The following C16orf74 variants were observed in gnomAD, a reference collection of about 807,000 sequenced individuals.
The protein encoded by C16orf74 is calcimembrin.
C16orf74 carries 10 observed loss-of-function variants against 6.5 expected under a neutral mutation model. The ratio of observed to expected loss-of-function variants is 1.54; its 90% confidence interval spans 0.95 to 2.61. The LOEUF (loss-of-function observed/expected upper bound fraction) is 2.61. Among genes scored for constraint, C16orf74 ranks in the 30% most tolerant of loss-of-function variants. The pLI is 0.00. For synonymous variants in C16orf74, 60 were observed against 42.5 expected (o/e 1.41, Z -1.60); for missense variants, 141 against 105.9 (o/e 1.33, Z -1.45).
At chr16:85,709,888 C>T (rs1388245356) in intron 3 of C16orf74, among the ~76,000 whole-genome samples, 1 of 150,788 alleles carries the variant, frequency 6.6e-6, no homozygotes, top group Non-Finnish European at 1.5e-5. Flanking sequence ...GCCGGAGCCG[C>T]GGCGTGGCGG....
At chr16:85,715,829 C>T (rs1251874239) in intron 2 of C16orf74, among the ~76,000 whole-genome samples, 2 of 152,148 alleles carry the variant, frequency 1.3e-5, no homozygotes, top group Non-Finnish European at 2.9e-5. Flanking sequence ...GTGCCAAAAA[C>T]AAAAGCCACA....
chr16:85,740,436 C>G (rs1450436736), intron 1 of C16orf74, among the ~76,000 whole-genome samples: 1 of 151,502 alleles, frequency 6.6e-6, no homozygotes, highest in Non-Finnish European at 1.5e-5. Flanking sequence ...GGCGCGGTGG[C>G]TCACGCCTGT....
intron 1 of C16orf74, among the ~76,000 whole-genome samples, chr16:85,747,873 G>T (rs373458906): frequency 6.6e-6 from 1 of 151,952 alleles, no homozygotes; most frequent in East Asian, 1.9e-4. Context: ...GGATCACAAG[G>T]TCAGCAGTTC....
At chr16:85,736,878 T>C (rs756550124) in intron 1 of C16orf74, among the ~76,000 whole-genome samples, 6 of 152,068 alleles carry the variant, frequency 3.9e-5, no homozygotes, top group Admixed American at 6.6e-5. Context: ...ACCCCATCTC[T>C]ACTAAAAATA....
intron 1 of C16orf74, among the ~76,000 whole-genome samples, chr16:85,741,184 G>A (rs1008094876): frequency 6.6e-6 from 1 of 152,142 alleles, no homozygotes; most frequent in Non-Finnish European, 1.5e-5. Context: ...GGCAGCATGT[G>A]CGTCAGATCG....
chr16:85,723,762 G>C (rs2054106048), intron 2 of C16orf74, among the ~76,000 whole-genome samples: 1 of 152,240 alleles, frequency 6.6e-6, no homozygotes, highest in Non-Finnish European at 1.5e-5. Context: ...GTGCAGCTGT[G>C]GGAAAGGGTG....
At chr16:85,738,984 A>C (rs1379801767) in intron 1 of C16orf74, among the ~76,000 whole-genome samples, 1 of 73,872 alleles carries the variant, frequency 1.4e-5, no homozygotes, top group Non-Finnish European at 3.6e-5. Flanking sequence ...TTTGGACTCT[A>C]GAGCCCACGC....
At chr16:85,735,165 G>A in intron 2 of C16orf74, 25 bp downstream of exon 2, 3 of 1,595,942 alleles carry the variant, frequency 1.9e-6, no homozygotes, top group Non-Finnish European at 2.6e-6. Context: ...ATGAGAGCTG[G>A]TGGGGGCAGA....
intron 2 of C16orf74, among the ~76,000 whole-genome samples, chr16:85,726,485 G>A (rs971064759): frequency 5.9e-5 from 9 of 152,158 alleles, no homozygotes; most frequent in South Asian, 2.1e-4. Context: ...GGAACATGGC[G>A]GTGGCAATGG....
chr16:85,710,578 T>C, intron 2 of C16orf74: 1 of 419,036 alleles, frequency 2.4e-6, no homozygotes, highest in Non-Finnish European at 4.2e-6. Context: ...TGGGTCCAGT[T>C]GTCAGCCTTT....
intron 2 of C16orf74, among the ~76,000 whole-genome samples, chr16:85,734,743 C>T (rs2054225847): frequency 6.6e-6 from 1 of 152,202 alleles, no homozygotes; most frequent in Non-Finnish European, 1.5e-5. Flanking sequence ...CCCACAACAC[C>T]CTTCAGTGGT....
At chr16:85,718,427 TGG>T (rs1265966279) in intron 2 of C16orf74, among the ~76,000 whole-genome samples, 2 of 152,172 alleles carry the variant, frequency 1.3e-5, no homozygotes, top group Admixed American at 1.3e-4. Flanking sequence ...AGGCCCTGAA[TGG>T]GACCACGCCC....
chr16:85,715,049 C>T (rs76289562), intron 2 of C16orf74, among the ~76,000 whole-genome samples: 14 of 150,636 alleles, frequency 9.3e-5, no homozygotes, highest in African/African-American at 2.4e-4. Context: ...CCCAGCTACT[C>T]GGGAGGCTGA....
rs1321921669 is a variant in C16orf74 at position 85,745,013 on chromosome 16, C to T, written c.-19+5913G>A. ...AAAATTAGCCAGGCATTGTGGCGCA[C>T]GCCTGTAATCCCAGCTACTCGGGAG... On this transcript the variant is annotated intron_variant, in intron 1 of 3. Transcript: ENST00000284245. Among the ~76,000 whole-genome samples the T allele has an allele frequency of 6.0e-5, 9 of 151,212 alleles. No homozygotes were observed. The South Asian group carries it at 8.4e-4, about 14-fold the overall frequency.
intron 1 of C16orf74, among the ~76,000 whole-genome samples, chr16:85,746,699 T>G (rs898861465): frequency 6.6e-6 from 1 of 152,068 alleles, no homozygotes; most frequent in Non-Finnish European, 1.5e-5. Flanking sequence ...CCAATCCCAG[T>G]GGGGCAGGGT....
chr16:85,716,976 G>C (rs564867565), intron 2 of C16orf74, among the ~76,000 whole-genome samples: 28 of 152,334 alleles, frequency 1.8e-4, no homozygotes, highest in Non-Finnish European at 3.1e-4. Context: ...CCAGAAGGAA[G>C]GGAGCAGATC....
chr16:85,744,225 CAAAAAAAA>C (rs368696989), intron 1 of C16orf74: 1 of 43,014 alleles, frequency 2.3e-5, no homozygotes, highest in African/African-American at 1.0e-4. Flanking sequence ...AACTCCGTCT[CAAAAAAAA>C]AAAAAAAAAA....
intron 2 of C16orf74, among the ~76,000 whole-genome samples, chr16:85,712,874 A>T (rs898234269): frequency 1.3e-5 from 2 of 152,110 alleles, no homozygotes; most frequent in Non-Finnish European, 2.9e-5. Context: ...GGCTGTGGTT[A>T]CACTGGGTGT....
intron 1 of C16orf74, among the ~76,000 whole-genome samples, chr16:85,745,708 A>C (rs2054366200): frequency 6.6e-6 from 1 of 150,546 alleles, no homozygotes; most frequent in African/African-American, 2.5e-5. Flanking sequence ...CTGCTTTTCA[A>C]AGACAGAGAA....
Sources: allele counts gnomAD v4.1 joint callset (sites outside exome capture counted in the v4.1 genomes callset), GRCh38; gene constraint gnomAD v4.1.1; transcripts MANE v1.5; gene names NCBI Gene and HGNC (gene_info 2026-07-23, HGNC 2026-07-21).